TEX36: variants seen among roughly 807,000 people sequenced by gnomAD.
The protein encoded by TEX36 is testis-expressed protein 36.
Under a neutral mutation model 13.6 loss-of-function variants are expected in TEX36, and 12 were observed. The ratio of observed to expected loss-of-function variants is 0.88; its 90% CI spans 0.56 to 1.43. The LOEUF (loss-of-function observed/expected upper bound fraction) is 1.43. Ranked by LOEUF, TEX36 falls within the 40% of genes most tolerant of loss-of-function variation. TEX36 has a pLI of 0.00. For missense variants in TEX36, 224 were observed against 228.3 expected (o/e 0.98, Z 0.12); for synonymous variants, 93 against 83.0 (o/e 1.12, Z -0.65).
intron 3 of TEX36, among the ~76,000 whole-genome samples, chr10:125,646,431 T>C (rs953318348): frequency 6.6e-6 from 1 of 152,216 alleles, no homozygotes; most frequent in African/African-American, 2.4e-5. Flanking sequence ...CTATGTACAG[T>C]GGCATTCTGA....
At chr10:125,660,337 C>T (rs1270924410) in intron 3 of TEX36, among the ~76,000 whole-genome samples, 1 of 152,072 alleles carries the variant, frequency 6.6e-6, no homozygotes, top group African/African-American at 2.4e-5. Flanking sequence ...GTAGCCCAGG[C>T]TGGTCTCAAG....
chr10:125,649,639 C>T (rs942035629), intron 3 of TEX36, among the ~76,000 whole-genome samples: 5 of 152,174 alleles, frequency 3.3e-5, no homozygotes, highest in Non-Finnish European at 7.3e-5. Flanking sequence ...CAGATTCACA[C>T]ATAACAATAT....
chr10:125,589,869 A>G (rs377606124), intron 3 of TEX36, among the ~76,000 whole-genome samples: 6 of 152,206 alleles, frequency 3.9e-5, no homozygotes, highest in African/African-American at 1.2e-4. Context: ...GATTCAGTGT[A>G]CGCTCATCTT....
At chr10:125,576,717 G>T in exon 4 of TEX36, 1 of 1,534,306 alleles carries the variant, frequency 6.5e-7, no homozygotes. Flanking sequence ...GGACTCTGGG[G>T]AATGGGTGAC....
intron 3 of TEX36, among the ~76,000 whole-genome samples, chr10:125,644,196 A>G (rs1359356493): frequency 6.6e-6 from 1 of 152,222 alleles, no homozygotes; most frequent in Non-Finnish European, 1.5e-5. Flanking sequence ...AAATAACAGA[A>G]TGGATCATTG....
At chr10:125,676,340 T>C (rs1187477299) in intron 1 of TEX36, among the ~76,000 whole-genome samples, 2 of 152,256 alleles carry the variant, frequency 1.3e-5, no homozygotes, top group Non-Finnish European at 2.9e-5. Flanking sequence ...TCTTGCTGGA[T>C]TGATCCATTT....
chr10:125,649,745 G>T (rs1846824930), intron 3 of TEX36, among the ~76,000 whole-genome samples: 1 of 152,162 alleles, frequency 6.6e-6, no homozygotes, highest in African/African-American at 2.4e-5. Flanking sequence ...CTGTATTCAG[G>T]AGACATATCT....
chr10:125,591,106 T>C (rs1846016788), intron 3 of TEX36, among the ~76,000 whole-genome samples: 1 of 152,198 alleles, frequency 6.6e-6, no homozygotes, highest in African/African-American at 2.4e-5. Flanking sequence ...TGTGAGGCCA[T>C]GCACAAGTGA....
chr10:125,617,276 G>T (rs1846372765), downstream of TEX36, among the ~76,000 whole-genome samples: 1 of 152,056 alleles, frequency 6.6e-6, no homozygotes, highest in East Asian at 1.9e-4. Flanking sequence ...GGAGCATTTA[G>T]TCCATTTACA....
rs17153292 is a variant in TEX36 at position 125,625,892 on chromosome 10, C to A, written c.265-4247G>T. 7.8e-3 allele frequency among the ~76,000 whole-genome samples: 1,195 copies of A among 152,330 alleles called. 17 individuals are homozygous for A. Among genetic ancestry groups the A allele is most frequent in the South Asian group, 0.051 (246 of 4,832 alleles). ...GGATTTCCTCAACTCTGAGCACGCTCCCTCTGGTCATGGGTTCTGTCGGAG... is the reference window on the plus strand; with the variant it reads ...GGATTTCCTCAACTCTGAGCACGCTACCTCTGGTCATGGGTTCTGTCGGAG... On this transcript the variant is annotated intron_variant, in intron 3 of 3. Coordinates refer to the TEX36 transcript ENST00000526819.
intron 3 of TEX36, among the ~76,000 whole-genome samples, chr10:125,590,418 CCTT>C: frequency 6.6e-6 from 1 of 152,104 alleles, no homozygotes; most frequent in Non-Finnish European, 1.5e-5. Context: ...GCCTGGCCCT[CCTT>C]CTCTTTTATT....
In TEX36 at chr10:125,659,323, A is replaced by G. The variant is rs572738663; in HGVS notation, c.264+1698T>C. ...AAATACAAGTGGTAGAATCCTGTTTATATCATTAACAAATATACATTTATG... is the reference window on the plus strand; with the variant it reads ...AAATACAAGTGGTAGAATCCTGTTTGTATCATTAACAAATATACATTTATG... On this transcript the variant is annotated intron_variant, in intron 3 of 3. Transcript: ENST00000368821. 1.2e-4 allele frequency among the ~76,000 whole-genome samples: 18 copies of G among 152,338 alleles called. No individual in the cohort carries two copies. The South Asian group carries it at 3.1e-3, about 26-fold the overall frequency.
At chr10:125,640,954 C>T (rs538450011) in intron 3 of TEX36, among the ~76,000 whole-genome samples, 1 of 151,464 alleles carries the variant, frequency 6.6e-6, no homozygotes, top group South Asian at 2.1e-4. Flanking sequence ...ACCCTTCCTC[C>T]CCCACACCCA....
At chr10:125,611,035 A>G (rs991087829) in intron 3 of TEX36, among the ~76,000 whole-genome samples, 35 of 151,782 alleles carry the variant, frequency 2.3e-4, no homozygotes, top group African/African-American at 8.2e-4. Context: ...CCTTTTTTTC[A>G]TTTAATCGTA....
At chr10:125,597,932 G>A (rs535984085) in intron 3 of TEX36, among the ~76,000 whole-genome samples, 1 of 152,356 alleles carries the variant, frequency 6.6e-6, no homozygotes, top group East Asian at 1.9e-4. Flanking sequence ...TATTGTTGAA[G>A]TTATTATTTC....
chr10:125,629,471 G>C (rs1846526316), intron 3 of TEX36, among the ~76,000 whole-genome samples: 1 of 152,008 alleles, frequency 6.6e-6, no homozygotes, highest in Non-Finnish European at 1.5e-5. Flanking sequence ...ATATTACTTT[G>C]TTCATTATAA....
chr10:125,670,343 C>G (rs1053138222), intron 1 of TEX36, among the ~76,000 whole-genome samples: 4 of 152,300 alleles, frequency 2.6e-5, no homozygotes, highest in African/African-American at 9.6e-5. Context: ...CTCTAATGAT[C>G]AGTGATGCTG....
chr10:125,678,433 A>G (rs1376859086), intron 1 of TEX36, among the ~76,000 whole-genome samples: 2 of 151,648 alleles, frequency 1.3e-5, no homozygotes, highest in Non-Finnish European at 2.9e-5. Flanking sequence ...GAGCATGTCT[A>G]TCTTTGTGCC....
intron 1 of TEX36, chr10:125,667,738 G>T (rs1847146595): frequency 2.5e-6 from 2 of 799,414 alleles, no homozygotes; most frequent in Non-Finnish European, 4.3e-6. Flanking sequence ...CGATGCAGGG[G>T]TTCACGCAGT....
Sources: allele counts gnomAD v4.1 joint callset (sites outside exome capture counted in the v4.1 genomes callset), GRCh38; gene constraint gnomAD v4.1.1; transcripts MANE v1.5; gene names NCBI Gene and HGNC (gene_info 2026-07-23, HGNC 2026-07-21).